RNF17: variants seen among roughly 807,000 people sequenced by gnomAD.
RNF17 encodes the protein spermatogenesis associated 23.
RNF17 carries 31 observed loss-of-function variants against 200.5 expected under a neutral mutation model. The ratio of observed to expected loss-of-function variants is 0.15; its 90% CI spans 0.12 to 0.21. The LOEUF (loss-of-function observed/expected upper bound fraction) is 0.21. Ranked by LOEUF, RNF17 falls within the 10% of genes least tolerant of loss-of-function variation. The probability of loss-of-function intolerance (pLI) is 1.00; values close to 1 mark genes in which losing one functional copy is unlikely to be tolerated. For synonymous variants in RNF17, 606 were observed against 637.8 expected, an observed-to-expected ratio of 0.95 and a Z score of 0.75; for missense variants, 1,628 against 1,905.1, an observed-to-expected ratio of 0.85 and a Z score of 2.71.
At chr13:24,864,745 A>T in intron 28 of RNF17, 128 bp from the exon 29 acceptor site, 1 of 671,888 alleles carries the variant, frequency 1.5e-6, no homozygotes, top group Non-Finnish European at 2.5e-6. Context: ...ATTCTATGAA[A>T]TGAGTCACTA....
chr13:24,796,415 C>A, intron 11 of RNF17, 120 bp downstream of exon 11: 1 of 581,580 alleles, frequency 1.7e-6, no homozygotes, highest in Non-Finnish European at 2.7e-6. Context: ...TTGTAGTAAG[C>A]ATAAAAGTTT....
chr13:24,799,256 T>C (rs1026154184), intron 11 of RNF17, 139 bp from the exon 12 acceptor site: 4 of 649,936 alleles, frequency 6.2e-6, no homozygotes, highest in Non-Finnish European at 1.1e-5. Flanking sequence ...ATCTTTCTTA[T>C]AGCACTTGAA....
intron 10 of RNF17, chr13:24,794,219 A>T (rs978739942): frequency 4.4e-6 from 2 of 456,552 alleles, no homozygotes; most frequent in South Asian, 1.5e-5. Context: ...AGAAAAACTC[A>T]TCTGTTCCTT....
At chr13:24,853,246 A>C (rs928714281) in intron 24 of RNF17, among the ~76,000 whole-genome samples, 3 of 152,182 alleles carry the variant, frequency 2.0e-5, no homozygotes, top group Non-Finnish European at 4.4e-5. Flanking sequence ...GGAGATGAGA[A>C]GAAAAAGAAA....
rs550656865 is a variant in RNF17 at position 24,862,913 on chromosome 13, G to T, written c.3975+120G>T. The T allele has an allele frequency of 1.8e-4, 94 of 514,024 alleles. No individual in the cohort carries two copies. The Middle Eastern group carries it at 2.4e-3, about 13-fold the overall frequency. The allele number at this position is 514,024 out of a possible 1,614,324, so 31.8% of individuals were successfully genotyped here. A position where few individuals can be genotyped will look rare whatever the true frequency, so the allele number is the denominator to read the frequency against. ...ATATACCTTCTTATGTGAATTGCTT[G>T]TTAGCATAAAAGAAACTACCAGTTT... On this transcript the variant is annotated intron_variant, in intron 28 of 35. Coordinates refer to ENST00000255324, the MANE Select transcript of RNF17 (RefSeq NM_031277.3).
At chr13:24,877,263 A>C in intron 34 of RNF17, 77 bp downstream of exon 34, 1 of 1,218,064 alleles carries the variant, frequency 8.2e-7, no homozygotes, top group South Asian at 1.3e-5. Context: ...GTTTCTATGC[A>C]GCGTCTACAT....
In RNF17 at chr13:24,807,498, T is replaced by G. The variant is rs575690098; in HGVS notation, c.2091+3069T>G. Among the ~76,000 whole-genome samples the G allele has an allele frequency of 2.6e-5, 4 of 152,326 alleles. No individual in the cohort carries two copies. In the East Asian group the frequency reaches 5.8e-4, roughly 22 times the overall value. On this transcript the variant is annotated intron_variant, in intron 15 of 35. Transcript: ENST00000255324. ...TTCGCCCACTTTTTGATGGGGTTGTTTTTTTCTTGTAAATTTGTTTGAGTT... is the reference window on the plus strand; with the variant it reads ...TTCGCCCACTTTTTGATGGGGTTGTGTTTTTCTTGTAAATTTGTTTGAGTT...
chr13:24,794,219 A>C (rs978739942), intron 10 of RNF17: 1 of 456,552 alleles, frequency 2.2e-6, no homozygotes, highest in East Asian at 6.9e-5. Context: ...AGAAAAACTC[A>C]TCTGTTCCTT....
chr13:24,771,703 A>C (rs1417572214), intron 2 of RNF17, among the ~76,000 whole-genome samples: 2 of 149,274 alleles, frequency 1.3e-5, no homozygotes, highest in African/African-American at 5.0e-5. Flanking sequence ...TATCTTCAAT[A>C]CTTACGTTTT....
chr13:24,806,405 A>G (rs1440623694), intron 15 of RNF17, among the ~76,000 whole-genome samples: 1 of 151,984 alleles, frequency 6.6e-6, no homozygotes, highest in Non-Finnish European at 1.5e-5. Context: ...GGTCAAATGG[A>G]TTTCTGGTTC....
At chr13:24,797,734 G>GTGTGTA (rs1566147097) in intron 11 of RNF17, among the ~76,000 whole-genome samples, 28 of 150,510 alleles carry the variant, frequency 1.9e-4, no homozygotes, top group East Asian at 9.8e-4. Context: ...GTGTGTGTGT[G>GTGTGTA]TGTGTGTGTG....
chr13:24,887,759 T>C, the RNF17 span, among the ~76,000 whole-genome samples: 6,729 of 152,182 alleles, frequency 0.044, 469 homozygotes, highest in African/African-American at 0.15. Context: ...CATGGAAAAA[T>C]TGTCTTCCAC....
chr13:24,832,913 T>C (rs150886843), intron 18 of RNF17, among the ~76,000 whole-genome samples: 3 of 152,170 alleles, frequency 2.0e-5, no homozygotes, highest in African/African-American at 7.2e-5. Flanking sequence ...CCAGCTAATT[T>C]TTAAATTTTT....
chr13:24,811,462 G>A (rs139442820), intron 15 of RNF17, among the ~76,000 whole-genome samples: 3,574 of 152,060 alleles, frequency 0.024, 65 homozygotes, highest in Non-Finnish European at 0.034. Context: ...TATTCTTCAC[G>A]TAGTTCTTGA....
At chr13:24,884,540 AC>A (rs759369533), downstream of RNF17, 12 of 1,439,912 alleles carry the variant, frequency 8.3e-6, no homozygotes, top group South Asian at 1.2e-5. Flanking sequence ...CCAACTGCCT[AC>A]TTTGAAATTT....
At chr13:24,886,207 C>T in the RNF17 span, 1 of 754,208 alleles carries the variant, frequency 1.3e-6, no homozygotes. Context: ...ATCCTATGTG[C>T]CAATGGATCA....
At chr13:24,771,616 G>A (rs1244669999) in intron 2 of RNF17, among the ~76,000 whole-genome samples, 1 of 145,324 alleles carries the variant, frequency 6.9e-6, no homozygotes, top group East Asian at 2.0e-4. Context: ...TTTTACCCCT[G>A]CTTCATGAAT....
rs765644549 is a variant in RNF17, at chr13:24,789,747, A to G, written c.910A>G (p.Lys304Glu). 157 of 1,598,880 alleles carry G rather than the reference A, an allele frequency of 9.8e-5. No individual in the cohort carries two copies. The highest frequency in any genetic ancestry group is 1.3e-4 in the Non-Finnish European group (149 of 1,166,910). ...EIICMFNNMG[K>E]IEFRDSTKCY... ...CATCTGTATGTTCAACAATATGGGA[A>G]AGATTGAATTTAGGGACTCAACAAA... Residue 304 changes from lysine (K) to glutamate (E), a missense_variant, in exon 9 of 36, where the codon AAG becomes GAG. Physicochemically the swap from Lys to Glu is moderately conservative, Grantham distance 56 (BLOSUM62 1). Coordinates refer to ENST00000255324, the MANE Select transcript of RNF17 (RefSeq NM_031277.3).
At chr13:24,772,816 T>C (rs1251324359) in intron 2 of RNF17, among the ~76,000 whole-genome samples, 1 of 152,030 alleles carries the variant, frequency 6.6e-6, no homozygotes, top group Admixed American at 6.5e-5. Context: ...TTCACCATGT[T>C]AGGCAGGATG....
Sources: gnomAD v4.1 joint callset for allele counts (sites outside exome capture counted in the v4.1 genomes callset) on GRCh38, gnomAD v4.1.1 for gene constraint, MANE v1.5 for transcripts, NCBI Gene and HGNC (gene_info 2026-07-23, HGNC 2026-07-21) for gene names.